The following GPD2 variants were observed in gnomAD, a reference collection of about 807,000 sequenced individuals.
GPD2 encodes glycerol-3-phosphate dehydrogenase, mitochondrial.
A neutral mutation model predicts 82.4 loss-of-function variants in GPD2; 54 were observed. The ratio of observed to expected loss-of-function variants is 0.66; its 90% CI spans 0.53 to 0.82. GPD2 has a LOEUF of 0.82. Among genes scored for constraint, GPD2 ranks in the 40% least tolerant of loss-of-function variants. The pLI is 0.00. For synonymous variants in GPD2, 288 were observed against 306.1 expected, an observed-to-expected ratio of 0.94 and a Z score of 0.62; for missense variants, 748 against 896.2, an observed-to-expected ratio of 0.83 and a Z score of 2.11.
intron 2 of GPD2, among the ~76,000 whole-genome samples, chr2:156,487,495 T>A (rs1299348714): frequency 2.0e-5 from 3 of 152,112 alleles, no homozygotes; most frequent in Non-Finnish European, 4.4e-5. Context: ...CCTATACATA[T>A]AGGCAAAGAT....
chr2:156,557,325 G>A (rs983085135), intron 8 of GPD2, 64 bp from the exon 9 acceptor site: 23 of 981,048 alleles, frequency 2.3e-5, no homozygotes, highest in African/African-American at 6.4e-5. Context: ...ATAGTTTTTC[G>A]AATGCAGATT....
chr2:156,488,488 A>G (rs1424711503), intron 2 of GPD2, among the ~76,000 whole-genome samples: 2 of 152,152 alleles, frequency 1.3e-5, no homozygotes, highest in African/African-American at 4.8e-5. Flanking sequence ...TCCAATTATT[A>G]CTGTACATGA....
chr2:156,427,338 A>G, the GPD2 span, among the ~76,000 whole-genome samples: 1 of 152,224 alleles, frequency 6.6e-6, no homozygotes, highest in Non-Finnish European at 1.5e-5. Flanking sequence ...TTATCTCTAA[A>G]TGAGGCTGTG....
chr2:156,414,685 C>T, the GPD2 span, among the ~76,000 whole-genome samples: 1 of 152,082 alleles, frequency 6.6e-6, no homozygotes, highest in East Asian at 1.9e-4. Flanking sequence ...AAACTTTTTA[C>T]ATTCAAAGTG....
intron 6 of GPD2, among the ~76,000 whole-genome samples, chr2:156,526,712 T>C (rs919144333): frequency 3.3e-5 from 5 of 152,274 alleles, no homozygotes; most frequent in Admixed American, 3.3e-4. Context: ...TTTTGAAGCT[T>C]GCAGTAACTA....
Position 156,557,475 on chromosome 2 carries a change from G to A in GPD2, c.1058G>A (p.Gly353Asp). ...FLPWQKMTIA[G>D]TTDTPTDVTH... The stretch of plus-strand genomic sequence containing the variant: ...CCCTGGCAAAAGATGACGATCGCTG[G>A]CACTACTGATACTCCAACTGATGTT... Residue 353 changes from glycine (G) to aspartate (D), a missense_variant, in exon 9 of 17, where the codon GGC becomes GAC. Coordinates refer to ENST00000438166, the MANE Select transcript of GPD2 (RefSeq NM_000408.5). The A allele has an allele frequency of 6.2e-7, 1 of 1,601,302 alleles. No homozygotes were observed. The highest frequency in any genetic ancestry group is 1.1e-5 in the South Asian group (1 of 90,888).
intron 6 of GPD2, among the ~76,000 whole-genome samples, chr2:156,519,498 TGTAAA>T (rs1010879962): frequency 1.3e-5 from 2 of 152,248 alleles, no homozygotes; most frequent in Admixed American, 1.3e-4. Flanking sequence ...TATTTTAAAA[TGTAAA>T]GTCCTATTTG....
intron 8 of GPD2, among the ~76,000 whole-genome samples, chr2:156,556,205 A>G (rs192239851): frequency 6.6e-6 from 1 of 152,312 alleles, no homozygotes; most frequent in Admixed American, 6.5e-5. Flanking sequence ...ATTTTTGTGT[A>G]AGAGGAGTTT....
chr2:156,529,764 T>C lies in GPD2; in HGVS notation c.661+16268T>C, dbSNP rs372376527. ...AGATAGTTGTAGATATGTGGCGTTA[T>C]TTCTGAGGGCTCTGTTCTGTTCCAT... is the stretch of plus-strand genomic sequence containing the variant. On this transcript the variant is annotated intron_variant, in intron 6 of 16. Transcript: ENST00000438166. Among the ~76,000 whole-genome samples, 101 of 151,706 alleles carry C rather than the reference T, an allele frequency of 6.7e-4. No individual in the cohort carries two copies. In the East Asian group the frequency reaches 9.8e-3, roughly 15 times the overall value.
At chr2:156,413,705 GA>G in the GPD2 span, among the ~76,000 whole-genome samples, 9 of 152,118 alleles carry the variant, frequency 5.9e-5, no homozygotes, top group African/African-American at 2.2e-4. Flanking sequence ...GGGAGTCCAA[GA>G]CCAGCCTGGC....
At chr2:156,474,748 A>G (rs1171594798) in intron 1 of GPD2, among the ~76,000 whole-genome samples, 3 of 152,332 alleles carry the variant, frequency 2.0e-5, no homozygotes, top group African/African-American at 7.2e-5. Flanking sequence ...AGAAAATTCC[A>G]TTATCAGTCC....
the GPD2 span, among the ~76,000 whole-genome samples, chr2:156,401,026 T>C: frequency 6.6e-6 from 1 of 152,160 alleles, no homozygotes; most frequent in Non-Finnish European, 1.5e-5. Context: ...AAAAGTGAAA[T>C]AGGGAATTGG....
the GPD2 span, among the ~76,000 whole-genome samples, chr2:156,422,418 T>C: frequency 6.6e-6 from 1 of 152,140 alleles, no homozygotes. Flanking sequence ...TAAATCAGCA[T>C]ATACCTTTCC....
chr2:156,401,244 T>A, the GPD2 span, among the ~76,000 whole-genome samples: 1 of 152,182 alleles, frequency 6.6e-6, no homozygotes, highest in Non-Finnish European at 1.5e-5. Context: ...TTTCTATTGC[T>A]TACTAGAAGA....
chr2:156,570,235 A>C lies in GPD2; in HGVS notation c.1608+17A>C. On this transcript the variant is annotated intron_variant, in intron 12 of 16. Transcript: ENST00000438166. Reference sequence around the variant, plus strand: ...GAAGCAGAGGTATGTGAATGGTCACATAGGAATTTCATGTCTGCCATGGGA... The same window carrying C: ...GAAGCAGAGGTATGTGAATGGTCACCTAGGAATTTCATGTCTGCCATGGGA... 1 of 1,608,432 alleles carries C rather than the reference A, an allele frequency of 6.2e-7. No homozygotes were observed. Among genetic ancestry groups the C allele is most frequent in the Admixed American group, 1.7e-5 (1 of 59,982 alleles).
rs36082652 is a variant in GPD2 at position 156,568,990 on chromosome 2, CTTTTTT to C, written c.1300+42_1300+47del. 118 of 1,254,246 alleles carry C rather than the reference CTTTTTT, an allele frequency of 9.4e-5. No homozygotes were observed. The African/African-American group carries it at 9.8e-4, about 10-fold the overall frequency. The allele number at this position is 1,254,246 out of a possible 1,614,324, so 77.7% of individuals were successfully genotyped here. On this transcript the variant is annotated intron_variant, in intron 10 of 16. Coordinates refer to ENST00000438166, the MANE Select transcript of GPD2 (RefSeq NM_000408.5). ...AGATACTACCTTGTTATTTTCTTTTCTTTTTTTTTTTTTTTTGTTATAGGGACAGGG... is the reference window on the plus strand; with the variant it reads ...AGATACTACCTTGTTATTTTCTTTTCTTTTTTTTTTGTTATAGGGACAGGG...
At chr2:156,407,201 A>C in the GPD2 span, among the ~76,000 whole-genome samples, 1 of 152,184 alleles carries the variant, frequency 6.6e-6, no homozygotes, top group African/African-American at 2.4e-5. Flanking sequence ...AACAGATCCC[A>C]GGTTTCCTTT....
At chr2:156,470,968 C>A (rs1278423588) in intron 1 of GPD2, among the ~76,000 whole-genome samples, 1 of 152,156 alleles carries the variant, frequency 6.6e-6, no homozygotes, top group Non-Finnish European at 1.5e-5. Context: ...GAGTTTTAGA[C>A]CCAAATATTC....
At chr2:156,537,221 G>C (rs1573975859) in intron 6 of GPD2, among the ~76,000 whole-genome samples, 1 of 152,312 alleles carries the variant, frequency 6.6e-6, no homozygotes, top group African/African-American at 2.4e-5. Context: ...AATGCCAGGG[G>C]CTGCCAGGAT....
Sources: allele counts gnomAD v4.1 joint callset (sites outside exome capture counted in the v4.1 genomes callset), GRCh38; gene constraint gnomAD v4.1.1; transcripts MANE v1.5; gene names NCBI Gene and HGNC (gene_info 2026-07-23, HGNC 2026-07-21).